PACRG: variants seen among roughly 807,000 people sequenced by gnomAD.
The protein encoded by PACRG is parkin coregulated.
In PACRG, 29 loss-of-function variants were observed where a neutral mutation model predicts 29.7. The observed-to-expected ratio is 0.98, with a 90% CI of 0.73 to 1.33. PACRG has a LOEUF of 1.33. PACRG is among the 40% of genes most tolerant of loss of function. The pLI is 0.00. For missense variants in PACRG, 279 were observed against 316.2 expected (o/e 0.88, Z 0.89); for synonymous variants, 116 against 118.7 (o/e 0.98, Z 0.15).
At chr6:163,058,355 CAT>C (rs1810775288) in intron 2 of PACRG, among the ~76,000 whole-genome samples, 1 of 152,180 alleles carries the variant, frequency 6.6e-6, no homozygotes, top group South Asian at 2.1e-4. Context: ...GAACAAAAGC[CAT>C]ATCTGTGTCT....
At chr6:163,197,449 T>C (rs1334488127) in intron 4 of PACRG, among the ~76,000 whole-genome samples, 8 of 138,834 alleles carry the variant, frequency 5.8e-5, no homozygotes, top group African/African-American at 1.4e-4. Context: ...TTTTTTTTTT[T>C]TTTTTTTTTT....
At chr6:163,076,190 G>A (rs1439258081) in intron 3 of PACRG, among the ~76,000 whole-genome samples, 1 of 152,128 alleles carries the variant, frequency 6.6e-6, no homozygotes, top group Non-Finnish European at 1.5e-5. Context: ...CCCAAACCTT[G>A]TCTTCTCTGT....
chr6:163,170,525 C>T (rs1190724940), intron 4 of PACRG: 1 of 152,118 alleles, frequency 6.6e-6, no homozygotes, highest in Admixed American at 6.6e-5. Flanking sequence ...CAGGACCGCC[C>T]CTACTCTCTC....
At chr6:163,181,639 A>G (rs1314811790) in intron 4 of PACRG, among the ~76,000 whole-genome samples, 1 of 149,618 alleles carries the variant, frequency 6.7e-6, no homozygotes. Flanking sequence ...AAATACAGAC[A>G]CATCTCCGGC....
At chr6:162,825,182 A>G (rs752283538) in intron 2 of PACRG, among the ~76,000 whole-genome samples, 44 of 152,186 alleles carry the variant, frequency 2.9e-4, no homozygotes, top group Non-Finnish European at 2.1e-4. Context: ...TATCAATAAG[A>G]TATTACTGAC....
At chr6:163,293,774 G>T (rs1325399310) in intron 4 of PACRG, among the ~76,000 whole-genome samples, 1 of 152,028 alleles carries the variant, frequency 6.6e-6, no homozygotes, top group African/African-American at 2.4e-5. Flanking sequence ...ACAGTGTTGT[G>T]ATTTTTAAGT....
intron 4 of PACRG, among the ~76,000 whole-genome samples, chr6:163,279,876 A>G (rs1420501572): frequency 1.3e-5 from 2 of 152,164 alleles, no homozygotes; most frequent in African/African-American, 4.8e-5. Context: ...GATTATTCCT[A>G]TGTTATTGAA....
At chr6:163,268,405 A>AAAAAAAAAAAAAAAG (rs71008143) in intron 4 of PACRG, among the ~76,000 whole-genome samples, 2,291 of 143,672 alleles carry the variant, frequency 0.016, 37 homozygotes, top group Middle Eastern at 0.025. Flanking sequence ...GTCTCAAAGA[A>AAAAAAAAAAAAAAAG]AAAAAAAAAG....
chr6:162,785,168 CAGAGAGAGAGAGAGAGAGAG>C (rs71008111), intron 1 of PACRG, among the ~76,000 whole-genome samples: 8 of 138,026 alleles, frequency 5.8e-5, no homozygotes, highest in African/African-American at 2.1e-4. Flanking sequence ...ATGAGGGAGG[CAGAGAGAGAGAGAGAGAGAG>C]AGAGAGAGAG....
Position 162,910,343 on chromosome 6 carries a change from T to C in PACRG, c.291+96062T>C, listed in dbSNP as rs966113942. ...GCACTGAGATTTCACAATTGGTTCT[T>C]ACTGGCTGGAAGAAGGATACAGGGA... On this transcript the variant is annotated intron_variant, in intron 2 of 4. Coordinates refer to ENST00000366888, the MANE Select transcript of PACRG (RefSeq NM_001080379.2). Among the ~76,000 whole-genome samples the C allele has an allele frequency of 4.6e-5, 7 of 152,348 alleles. No homozygotes were observed. In the East Asian group the frequency reaches 1.3e-3, roughly 29 times the overall value.
chr6:162,870,846 C>T (rs1354591359), intron 2 of PACRG, among the ~76,000 whole-genome samples: 1 of 152,146 alleles, frequency 6.6e-6, no homozygotes, highest in East Asian at 1.9e-4. Context: ...AAAATAGCTG[C>T]GTTGATAGCT....
intron 4 of PACRG, among the ~76,000 whole-genome samples, chr6:163,173,038 T>A (rs537705322): frequency 1.4e-4 from 21 of 152,296 alleles, no homozygotes; most frequent in Non-Finnish European, 2.6e-4. Flanking sequence ...GGTATAAAAT[T>A]AAGTTAAAAA....
chr6:163,187,223 C>G (rs1285683597), intron 4 of PACRG, among the ~76,000 whole-genome samples: 1 of 152,302 alleles, frequency 6.6e-6, no homozygotes, highest in Admixed American at 6.5e-5. Context: ...CTCACATCCG[C>G]TCCTCCGTTG....
At chr6:163,068,589 G>C (rs1811762630) in intron 3 of PACRG, among the ~76,000 whole-genome samples, 1 of 150,872 alleles carries the variant, frequency 6.6e-6, no homozygotes, top group Non-Finnish European at 1.5e-5. Context: ...TCTTCTCTCT[G>C]TTTTCTCTTG....
chr6:162,909,554 C>CAAAAAAA lies in PACRG; in HGVS notation c.291+95289_291+95295dup, dbSNP rs562001835. ...TGGGTGACAGAGCGAGACTCCATCT[C>CAAAAAAA]AAAAAAAAAAAAAAAAAAAAAATCA... On this transcript the variant is annotated intron_variant, in intron 2 of 4. Transcript: ENST00000366888. 2.6e-4 allele frequency among the ~76,000 whole-genome samples: 18 copies of CAAAAAAA among 70,040 alleles called. 1 individual carries two copies. The highest frequency in any genetic ancestry group is 7.9e-4 in the African/African-American group (15 of 18,946). The allele number at this position is 70,040 out of a possible 152,430, so 45.9% of individuals were successfully genotyped here.
chr6:162,932,322 G>A (rs1797912067), intron 2 of PACRG, among the ~76,000 whole-genome samples: 3 of 152,036 alleles, frequency 2.0e-5, no homozygotes, highest in Admixed American at 2.0e-4. Flanking sequence ...TCACTGAAGT[G>A]ATAGTGTTTC....
chr6:162,927,042 A>G (rs1178806467), intron 2 of PACRG, among the ~76,000 whole-genome samples: 1 of 152,150 alleles, frequency 6.6e-6, no homozygotes, highest in East Asian at 1.9e-4. Flanking sequence ...CAGCCAACAA[A>G]CATGCAAAAA....
chr6:163,301,757 T>C (rs1010992235), intron 4 of PACRG, among the ~76,000 whole-genome samples: 1 of 152,196 alleles, frequency 6.6e-6, no homozygotes, highest in African/African-American at 2.4e-5. Context: ...ATAGACAAAA[T>C]AGCAGCTGCA....
intron 2 of PACRG, among the ~76,000 whole-genome samples, chr6:163,002,091 A>G (rs1804640876): frequency 6.6e-6 from 1 of 152,228 alleles, no homozygotes; most frequent in South Asian, 2.1e-4. Context: ...AGTGAAGGCA[A>G]ATTTTTCAGA....
Sources: allele counts gnomAD v4.1 joint callset (sites outside exome capture counted in the v4.1 genomes callset), GRCh38; gene constraint gnomAD v4.1.1; transcripts MANE v1.5; gene names NCBI Gene and HGNC (gene_info 2026-07-23, HGNC 2026-07-21).